The following SATL1 variants were observed in gnomAD, a reference collection of about 807,000 sequenced individuals.
SATL1 encodes spermidine/spermine N1-acetyl transferase like 1.
In SATL1, 47 loss-of-function variants were observed where a neutral mutation model predicts 51.8. The observed-to-expected ratio is 0.91, with a 90% confidence interval of 0.72 to 1.16. The LOEUF is 1.16. SATL1 is among the 50% of genes most tolerant of loss of function. SATL1 has a pLI of 0.00. For missense variants in SATL1, 520 were observed against 526.4 expected (o/e 0.99, Z 0.12); for synonymous variants, 176 against 182.4 (o/e 0.97, Z 0.28).
intron 2 of SATL1, among the ~76,000 whole-genome samples, chrX:85,174,485 G>A (rs763427583): frequency 6.5e-4 from 71 of 109,754 alleles, no homozygotes; most frequent in Non-Finnish European, 1.3e-3. Flanking sequence ...ACCACACCTG[G>A]CTAATTTTTG....
intron 2 of SATL1, among the ~76,000 whole-genome samples, chrX:85,130,805 C>T (rs1283612111): frequency 8.9e-6 from 1 of 112,058 alleles, no homozygotes; most frequent in Non-Finnish European, 1.9e-5. Context: ...TTTCCCTCTA[C>T]ACACTGCTTT....
chrX:85,131,327 G>C (rs2147706993), intron 2 of SATL1, among the ~76,000 whole-genome samples: 1 of 111,723 alleles, frequency 9.0e-6, no homozygotes, highest in East Asian at 2.8e-4. Context: ...GAATCTGGGT[G>C]CTCCTGTATT....
chrX:85,202,613 T>G (rs1182628594), intron 2 of SATL1, among the ~76,000 whole-genome samples: 1 of 112,109 alleles, frequency 8.9e-6, no homozygotes. Flanking sequence ...GTGGGGATTG[T>G]GGCCAAGGGT....
At chrX:85,151,280 A>C (rs1390414397) in intron 2 of SATL1, among the ~76,000 whole-genome samples, 1 of 111,039 alleles carries the variant, frequency 9.0e-6, no homozygotes, top group Admixed American at 9.6e-5. Context: ...GACCTCTTCA[A>C]GGAGAACTAC....
chrX:85,147,206 T>C, intron 2 of SATL1, among the ~76,000 whole-genome samples: 1 of 114,172 alleles, frequency 8.8e-6, no homozygotes, highest in African/African-American at 3.2e-5. Flanking sequence ...GCCCACGGAG[T>C]CTTGCTGATT....
chrX:85,148,249 G>T (rs968297100), intron 2 of SATL1, among the ~76,000 whole-genome samples: 3 of 111,184 alleles, frequency 2.7e-5, no homozygotes, highest in African/African-American at 9.8e-5. Context: ...ATGAATGAAA[G>T]GAAGCCAGAA....
At chrX:85,116,485 T>C (rs1925385702) in intron 2 of SATL1, among the ~76,000 whole-genome samples, 1 of 111,729 alleles carries the variant, frequency 9.0e-6, no homozygotes, top group Non-Finnish European at 1.9e-5. Context: ...CAGTGGCCTT[T>C]TAGCACTCGG....
chrX:85,233,469 A>G (rs762272868), intron 1 of SATL1, among the ~76,000 whole-genome samples: 1 of 112,661 alleles, frequency 8.9e-6, no homozygotes, highest in East Asian at 2.8e-4. Context: ...CCTGAGTGAC[A>G]GAGGTATGTG....
chrX:85,208,430 C>T (rs960012440), intron 2 of SATL1, among the ~76,000 whole-genome samples: 6 of 111,303 alleles, frequency 5.4e-5, no homozygotes, highest in Admixed American at 1.9e-4. Context: ...ATAGGGTTGC[C>T]GGGCCAAACG....
At chrX:85,110,457 T>C (rs974730587) in intron 2 of SATL1, among the ~76,000 whole-genome samples, 3 of 112,289 alleles carry the variant, frequency 2.7e-5, no homozygotes, top group African/African-American at 9.7e-5. Context: ...GAACTTTGGA[T>C]GAGGCTGTTC....
chrX:85,133,682 G>C, intron 2 of SATL1, among the ~76,000 whole-genome samples: 1 of 111,740 alleles, frequency 8.9e-6, no homozygotes, highest in South Asian at 3.8e-4. Context: ...GTCCCAATGA[G>C]ATGAACCAGG....
At chrX:85,117,298 CT>C (rs1925400844) in intron 2 of SATL1, 1 of 111,808 alleles carries the variant, frequency 8.9e-6, no homozygotes, top group Non-Finnish European at 1.9e-5. Context: ...GTCTCTCCTT[CT>C]GCCTTATTTC....
chrX:85,234,908 A>T (rs770190191), intron 1 of SATL1, among the ~76,000 whole-genome samples: 2 of 110,928 alleles, frequency 1.8e-5, no homozygotes, highest in South Asian at 7.7e-4. Context: ...TAATCAAAAG[A>T]CATAGAATGG....
At chrX:85,235,517 A>T (rs919835353) in intron 1 of SATL1, among the ~76,000 whole-genome samples, 6 of 111,742 alleles carry the variant, frequency 5.4e-5, no homozygotes, top group African/African-American at 1.6e-4. Context: ...TAAAACTAGA[A>T]ATTAATTACA....
At chrX:85,151,614 C>G (rs946035628) in intron 2 of SATL1, among the ~76,000 whole-genome samples, 1 of 111,258 alleles carries the variant, frequency 9.0e-6, no homozygotes, top group Non-Finnish European at 1.9e-5. Flanking sequence ...GGTACCAAAA[C>G]AGAGATATAG....
chrX:85,137,160 T>A (rs1925979914), intron 2 of SATL1, among the ~76,000 whole-genome samples: 1 of 111,028 alleles, frequency 9.0e-6, no homozygotes, highest in Admixed American at 9.6e-5. Context: ...GAGATGGGAA[T>A]GGAAGAGTTA....
intron 2 of SATL1, among the ~76,000 whole-genome samples, chrX:85,130,579 GA>G (rs767820702): frequency 9.0e-6 from 1 of 110,834 alleles, no homozygotes; most frequent in South Asian, 3.8e-4. Context: ...CAATTTTGTT[GA>G]TGTTTTCAAA....
Position 85,108,357 on chromosome X carries a change from G to T in SATL1, c.612C>A (p.Ser204Arg), listed in dbSNP as rs375710234. Reference sequence around the variant, plus strand: ...TGTCTGGGTGGCTTGGGACTTGCTGGCTGATGCCTGGTTGTTGCACGCCTG... The same window carrying T: ...TGTCTGGGTGGCTTGGGACTTGCTGTCTGATGCCTGGTTGTTGCACGCCTG... Reference protein sequence around the residue: ...WQPGVQQPGISQQVPSHPDMS... With the variant: ...WQPGVQQPGIRQQVPSHPDMS... The change falls in exon 3 of 8, where the codon AGC becomes AGA. Residue 204 changes from serine (S) to arginine (R), a missense_variant. Ser to Arg is a moderately radical substitution (Grantham distance 110). Around this residue, in one of 3 missense-constraint regions of SATL1, gnomAD observed 488 missense variants for 474.3 expected, o/e 1.03. Transcript: ENST00000644105. The T allele has an allele frequency of 9.9e-6, 12 of 1,210,991 alleles. No homozygotes were observed. The highest frequency in any genetic ancestry group is 1.1e-5 in the Non-Finnish European group (10 of 895,310).
chrX:85,099,050 G>A (rs1924815839), intron 4 of SATL1, among the ~76,000 whole-genome samples: 1 of 111,275 alleles, frequency 9.0e-6, no homozygotes, highest in Admixed American at 9.6e-5. Context: ...TGACAAAGAG[G>A]ATGCAAATAA....
Sources: gnomAD v4.1 joint callset for allele counts (sites outside exome capture counted in the v4.1 genomes callset) on GRCh38, gnomAD v4.1.1 for gene constraint, gnomAD v4.1.1 regional missense constraint, MANE v1.5 for transcripts, NCBI Gene and HGNC (gene_info 2026-07-23, HGNC 2026-07-21) for gene names.